Variants in OSBPL8 observed in about 807,000 individuals in gnomAD.
OSBPL8 encodes the protein oxysterol-binding protein-related protein 8.
OSBPL8 carries 59 observed loss-of-function variants against 125.5 expected under a neutral mutation model. The observed-to-expected ratio is 0.47, with a 90% confidence interval of 0.38 to 0.58. The LOEUF (loss-of-function observed/expected upper bound fraction) is 0.58, where lower values mean the gene tolerates loss of function less well. Ranked by LOEUF, OSBPL8 falls within the 20% of genes least tolerant of loss-of-function variation. OSBPL8 has a pLI of 0.00. For missense variants in OSBPL8, 758 were observed against 1,047.8 expected, an observed-to-expected ratio of 0.72 and a Z score of 3.82; for synonymous variants, 330 against 338.9, an observed-to-expected ratio of 0.97 and a Z score of 0.29.
In OSBPL8 at chr12:76,418,046, A is replaced by C. The variant is rs541359404; in HGVS notation, c.218-7412T>G. On this transcript the variant is annotated intron_variant, in intron 4 of 23. Coordinates refer to ENST00000261183, the MANE Select transcript of OSBPL8 (RefSeq NM_020841.5). ...TTTTTTTTTTTTGAGATGGAGTTTC[A>C]TTCTTATTGCCCAGGCTGCTGTGCA... 6.3e-4 allele frequency among the ~76,000 whole-genome samples: 53 copies of C among 84,440 alleles called. 1 individual carries two copies. The South Asian group carries it at 0.016, about 25-fold the overall frequency. 55.4% of individuals were successfully genotyped at this position (84,440 alleles called of 152,430 possible). A position where few individuals can be genotyped will look rare whatever the true frequency, so the allele number is the denominator to read the frequency against.
In OSBPL8 at chr12:76,558,040, G is replaced by A. The variant is rs150529549; in HGVS notation, c.-68+1357C>T. Among the ~76,000 whole-genome samples the A allele has an allele frequency of 8.2e-3, 1,248 of 152,172 alleles. 8 individuals carry two copies. Among genetic ancestry groups the A allele is most frequent in the Non-Finnish European group, 0.012 (786 of 68,022 alleles). On this transcript the variant is annotated intron_variant, in intron 1 of 23. Transcript: ENST00000261183. ...CAATAACTTGATGTCCATAATTAAA[G>A]ACCCAAAAGGTAGCTTAAGTTTCAT...
chr12:76,459,594 G>A (rs1281768030), intron 3 of OSBPL8, among the ~76,000 whole-genome samples: 2 of 152,174 alleles, frequency 1.3e-5, no homozygotes, highest in African/African-American at 4.8e-5. Flanking sequence ...CCCAAATTAT[G>A]AGTTAGATAA....
At position 76,487,617 on chromosome 12, in the gene OSBPL8, T is replaced by A. The variant is rs1878296626; in HGVS notation, c.-66A>T. 1.5e-6 allele frequency: 2 copies of A among 1,350,562 alleles called. No individual in the cohort carries two copies. Among genetic ancestry groups the A allele is most frequent in the Non-Finnish European group, 2.0e-6 (2 of 986,004 alleles). 83.7% of individuals were successfully genotyped at this position (1,350,562 alleles called of 1,614,324 possible). A position where few individuals can be genotyped will look rare whatever the true frequency, so the allele number is the denominator to read the frequency against. On this transcript the variant is annotated splice_region_variant and 5_prime_UTR_variant, in exon 2 of 24. Transcript: ENST00000261183. ...TGCAGCCATTCTGTAAATCTGCAAA[T>A]CCTAAAATAAGAAAATGATATTTAT...
chr12:76,402,470 A>C (rs1954090046), intron 6 of OSBPL8, among the ~76,000 whole-genome samples: 1 of 152,208 alleles, frequency 6.6e-6, no homozygotes, highest in Non-Finnish European at 1.5e-5. Context: ...TTTGAGGCCT[A>C]AAGCAGTCTG....
At chr12:76,531,710 AAGGTAT>A (rs1565976028) in intron 1 of OSBPL8, among the ~76,000 whole-genome samples, 1 of 152,142 alleles carries the variant, frequency 6.6e-6, no homozygotes. Context: ...TTTAGTTTTG[AAGGTAT>A]AGTAATTAAG....
chr12:76,476,733 A>G (rs918714786), intron 2 of OSBPL8, among the ~76,000 whole-genome samples: 5 of 152,172 alleles, frequency 3.3e-5, no homozygotes, highest in African/African-American at 9.6e-5. Flanking sequence ...ATTTTAAATA[A>G]TTCTGAAAAC....
chr12:76,542,422 C>T (rs1950672798), intron 1 of OSBPL8, among the ~76,000 whole-genome samples: 1 of 152,168 alleles, frequency 6.6e-6, no homozygotes, highest in South Asian at 2.1e-4. Context: ...CATTCAAAAA[C>T]CATATATCTA....
intron 1 of OSBPL8, among the ~76,000 whole-genome samples, chr12:76,522,992 C>G (rs1466834260): frequency 2.0e-5 from 3 of 152,116 alleles, no homozygotes; most frequent in Non-Finnish European, 2.9e-5. Context: ...CGCATACCAC[C>G]ACGCCTGGCT....
intron 17 of OSBPL8, among the ~76,000 whole-genome samples, chr12:76,374,242 T>C (rs1952728621): frequency 6.6e-6 from 1 of 152,142 alleles, no homozygotes; most frequent in Admixed American, 6.6e-5. Flanking sequence ...TTAATTCACA[T>C]TAAGTTCTCA....
Position 76,487,498 on chromosome 12 carries a change from TG to T in OSBPL8, c.42+11del. 6.3e-7 allele frequency: 1 copy of T among 1,594,494 alleles called. No individual in the cohort carries two copies. ...CAGATGATAGAACCTATGTCATATA[TG>T]AACTACTCACCGAAGTTCGATCAGG... On this transcript the variant is annotated intron_variant, in intron 2 of 23. Coordinates refer to ENST00000261183, the MANE Select transcript of OSBPL8 (RefSeq NM_020841.5).
At position 76,414,538 on chromosome 12, in the gene OSBPL8, G is replaced by A. The variant is rs1017526419; in HGVS notation, c.218-3904C>T. On this transcript the variant is annotated intron_variant, in intron 4 of 23. Coordinates refer to ENST00000261183, the MANE Select transcript of OSBPL8 (RefSeq NM_020841.5). ...TGTGATCTCAGCTCACTGCAGCCTC[G>A]ACCTCCTGTAACAGGCAATCCTTCA... is the stretch of plus-strand genomic sequence containing the variant. Among the ~76,000 whole-genome samples the A allele has an allele frequency of 3.4e-4, 49 of 144,198 alleles. 4 individuals carry two copies. The highest frequency in any genetic ancestry group is 2.2e-4 in the Admixed American group (3 of 13,860). The allele number at this position is 144,198 out of a possible 152,430, so 94.6% of individuals were successfully genotyped here. A position where few individuals can be genotyped will look rare whatever the true frequency, so the allele number is the denominator to read the frequency against.
At chr12:76,461,591 C>T (rs566349104) in intron 2 of OSBPL8, among the ~76,000 whole-genome samples, 1 of 152,062 alleles carries the variant, frequency 6.6e-6, no homozygotes, top group Non-Finnish European at 1.5e-5. Flanking sequence ...GATGGGTCTA[C>T]AGGCACCCAG....
intron 4 of OSBPL8, among the ~76,000 whole-genome samples, chr12:76,443,412 G>A (rs192251859): frequency 6.6e-5 from 10 of 152,246 alleles, no homozygotes; most frequent in Admixed American, 5.2e-4. Context: ...CCCATGAGAT[G>A]AGCTATAATT....
intron 1 of OSBPL8, among the ~76,000 whole-genome samples, chr12:76,535,795 C>T (rs1950477118): frequency 2.6e-5 from 4 of 152,096 alleles, no homozygotes; most frequent in Non-Finnish European, 5.9e-5. Context: ...TCTATGATTC[C>T]GTTCATATGA....
rs768680385 is a variant in OSBPL8 at position 76,397,909 on chromosome 12, T to C, written c.469-12A>G. 11 of 1,607,940 alleles carry C rather than the reference T, an allele frequency of 6.8e-6. No individual in the cohort carries two copies. Among genetic ancestry groups the C allele is most frequent in the Non-Finnish European group, 9.3e-6 (11 of 1,176,782 alleles). ...AGAGTACCACGAATCTACAGAAAGA[T>C]AAATTTATTTTAAAAAGGAAGATCT... On this transcript the variant is annotated splice_polypyrimidine_tract_variant and intron_variant, in intron 7 of 23. Coordinates refer to ENST00000261183, the MANE Select transcript of OSBPL8 (RefSeq NM_020841.5).
chr12:76,513,778 G>A (rs897728576), intron 1 of OSBPL8, among the ~76,000 whole-genome samples: 2 of 80,278 alleles, frequency 2.5e-5, no homozygotes, highest in African/African-American at 1.0e-4. Context: ...TTTTCTGTTT[G>A]TTTGGTAGAT....
intron 16 of OSBPL8, among the ~76,000 whole-genome samples, chr12:76,376,658 A>G (rs1483341233): frequency 6.6e-6 from 1 of 152,154 alleles, no homozygotes; most frequent in Non-Finnish European, 1.5e-5. Flanking sequence ...TTCATAATTA[A>G]AGATATTTCA....
chr12:76,388,527 C>T (rs972819406), intron 12 of OSBPL8, among the ~76,000 whole-genome samples: 1 of 152,152 alleles, frequency 6.6e-6, no homozygotes, highest in Admixed American at 6.6e-5. Flanking sequence ...AATTTCTAGA[C>T]CGACAAAAGT....
intron 4 of OSBPL8, among the ~76,000 whole-genome samples, chr12:76,437,300 G>A (rs1871584316): frequency 6.6e-6 from 1 of 152,164 alleles, no homozygotes; most frequent in Non-Finnish European, 1.5e-5. Flanking sequence ...ACTGACACCT[G>A]TAATTATCAG....
Sources: gnomAD v4.1 joint callset for allele counts (sites outside exome capture counted in the v4.1 genomes callset) on GRCh38, gnomAD v4.1.1 for gene constraint, MANE v1.5 for transcripts, NCBI Gene and HGNC (gene_info 2026-07-23, HGNC 2026-07-21) for gene names.